Variants in CD300A observed in about 807,000 individuals in gnomAD.
The protein encoded by CD300A is CD300a molecule.
Under a neutral mutation model 33.6 loss-of-function variants are expected in CD300A, and 22 were observed. The observed-to-expected ratio is 0.66, with a 90% CI of 0.47 to 0.94. The LOEUF is 0.94. Ranked by LOEUF, CD300A falls within the 40% of genes least tolerant of loss-of-function variation. CD300A has a pLI of 0.00. For missense variants in CD300A, 326 were observed against 360.5 expected (o/e 0.90, Z 0.77); for synonymous variants, 136 against 148.1 (o/e 0.92, Z 0.59).
chr17:74,475,760 G>A (rs904713514), intron 3 of CD300A, among the ~76,000 whole-genome samples: 6 of 152,074 alleles, frequency 3.9e-5, no homozygotes, highest in African/African-American at 7.2e-5. Flanking sequence ...GATGCCAGTC[G>A]AACTTTGGGG....
At chr17:74,482,678 G>GTTCGTTCCTTCCTTCC in intron 6 of CD300A, among the ~76,000 whole-genome samples, 1 of 129,572 alleles carries the variant, frequency 7.7e-6, no homozygotes, top group South Asian at 2.4e-4. Flanking sequence ...TCCTGGCCAA[G>GTTCGTTCCTTCCTTCC]TTCCTTCCTT....
intron 1 of CD300A, among the ~76,000 whole-genome samples, chr17:74,470,704 A>G (rs1371618740): frequency 6.6e-6 from 1 of 152,124 alleles, no homozygotes; most frequent in African/African-American, 2.4e-5. Context: ...GCTGGAGTGC[A>G]GTGGTGTGAT....
At chr17:74,468,413 G>C (rs1905873025) in intron 1 of CD300A, among the ~76,000 whole-genome samples, 1 of 152,002 alleles carries the variant, frequency 6.6e-6, no homozygotes, top group African/African-American at 2.4e-5. Context: ...GTTCACTGTA[G>C]CCTCCACCTC....
chr17:74,473,724 A>G lies in CD300A; in HGVS notation c.229A>G (p.Ile77Val), dbSNP rs1377732786. ...AGGAAAAAGGAACGGCCGAGTGTCC[A>G]TCAGGGACAGTCCTGCAAACCTCAG... The part of the protein sequence containing the change: ...SAGKRNGRVS[I>V]RDSPANLSFT... The change falls in exon 2 of 7, where the codon ATC (isoleucine) becomes GTC (valine). Residue 77 changes from isoleucine to valine, a missense_variant. Coordinates refer to ENST00000360141, the MANE Select transcript of CD300A (RefSeq NM_007261.4). 6 of 1,614,264 alleles carry G rather than the reference A, an allele frequency of 3.7e-6. No individual in the cohort carries two copies. Among genetic ancestry groups the G allele is most frequent in the Middle Eastern group, 1.6e-4 (1 of 6,062 alleles).
In CD300A at chr17:74,475,382, C is replaced by T. The variant is rs147622287; in HGVS notation, c.533+697C>T. Reference sequence around the variant, plus strand: ...GGACCCAGCCAACCCACATCAATCCCCATTTTACAGATGAGTAAACTGAGA... The same window carrying T: ...GGACCCAGCCAACCCACATCAATCCTCATTTTACAGATGAGTAAACTGAGA... On this transcript the variant is annotated intron_variant, in intron 3 of 6. Coordinates refer to ENST00000360141, the MANE Select transcript of CD300A (RefSeq NM_007261.4). Among the ~76,000 whole-genome samples the T allele has an allele frequency of 1.6e-3, 249 of 152,252 alleles. 1 individual carries two copies. The highest frequency in any genetic ancestry group is 1.9e-3 in the Non-Finnish European group (127 of 68,010).
intron 1 of CD300A, chr17:74,467,064 G>A (rs1905760385): frequency 1.7e-6 from 2 of 1,171,808 alleles, no homozygotes; most frequent in African/African-American, 1.6e-5. Flanking sequence ...GAGGCAGGAT[G>A]TGTCAGGGTG....
intron 5 of CD300A, 72 bp from the exon 6 acceptor site, chr17:74,481,654 C>A: frequency 9.3e-7 from 1 of 1,075,362 alleles, no homozygotes; most frequent in Non-Finnish European, 1.4e-6. Flanking sequence ...GAAGGGGAGA[C>A]ACATGCAGAG....
intron 3 of CD300A, among the ~76,000 whole-genome samples, chr17:74,476,528 A>T (rs1386519889): frequency 6.6e-6 from 1 of 152,178 alleles, no homozygotes; most frequent in Non-Finnish European, 1.5e-5. Flanking sequence ...GTGGGTGGGT[A>T]ATCTAAGAAA....
intron 3 of CD300A, among the ~76,000 whole-genome samples, chr17:74,476,780 A>G (rs1373370693): frequency 1.3e-5 from 2 of 152,244 alleles, no homozygotes; most frequent in Non-Finnish European, 2.9e-5. Context: ...AATACCCTGC[A>G]GCTATAGGAA....
chr17:74,484,080 G>GGGA lies in CD300A; in HGVS notation c.861_863dup (p.Glu288dup), dbSNP rs1567986705. On this transcript the variant is annotated inframe_insertion, in exon 7 of 7. Transcript: ENST00000360141. ...AACAGGATAGCTGCTCAGAGGCCTCGGGAGGAGGAACCAGATTCAGATTAC... is the reference window on the plus strand; with the variant it reads ...AACAGGATAGCTGCTCAGAGGCCTCGGGAGGAGGAGGAACCAGATTCAGATTAC... 6.2e-7 allele frequency: 1 copy of GGGA among 1,614,028 alleles called. No individual in the cohort carries two copies. Among genetic ancestry groups the GGGA allele is most frequent in the African/African-American group, 1.3e-5 (1 of 75,020 alleles).
chr17:74,474,752 C>T (rs960279724), intron 3 of CD300A, 67 bp downstream of exon 3: 3 of 1,550,472 alleles, frequency 1.9e-6, no homozygotes, highest in Non-Finnish European at 2.6e-6. Flanking sequence ...AGGGCGGGGA[C>T]CTTGGCCATG....
At chr17:74,482,335 G>A (rs988906646) in intron 6 of CD300A, among the ~76,000 whole-genome samples, 3 of 151,660 alleles carry the variant, frequency 2.0e-5, no homozygotes, top group African/African-American at 4.8e-5. Flanking sequence ...AGAGAGGATC[G>A]GGAGGGATGT....
At chr17:74,478,237 A>G (rs753456173) in intron 4 of CD300A, among the ~76,000 whole-genome samples, 2 of 152,188 alleles carry the variant, frequency 1.3e-5, no homozygotes, top group African/African-American at 4.8e-5. Context: ...GACTCCAAAG[A>G]GTGGCTTGGG....
chr17:74,468,977 G>A (rs1905910322), intron 1 of CD300A, among the ~76,000 whole-genome samples: 1 of 152,100 alleles, frequency 6.6e-6, no homozygotes, highest in South Asian at 2.1e-4. Flanking sequence ...TATCCTTTCA[G>A]CTATGAAGGA....
At chr17:74,482,732 T>TCCTTCCTTCCTTCCTTCCTTCCTTCC (rs1555639394) in intron 6 of CD300A, among the ~76,000 whole-genome samples, 4 of 132,938 alleles carry the variant, frequency 3.0e-5, no homozygotes, top group African/African-American at 7.7e-5. Flanking sequence ...CTTTCTTTCT[T>TCCTTCCTTCCTTCCTTCCTTCCTTCC]TGGAATCTCG....
intron 6 of CD300A, among the ~76,000 whole-genome samples, chr17:74,483,459 C>T (rs558287668): frequency 1.7e-4 from 25 of 151,496 alleles, no homozygotes; most frequent in Non-Finnish European, 3.2e-4. Flanking sequence ...CCGGTTCAAG[C>T]GATCCTCCTG....
At chr17:74,467,070 G>A (rs71375228) in intron 1 of CD300A, 1 of 1,162,806 alleles carries the variant, frequency 8.6e-7, no homozygotes, top group South Asian at 2.0e-5. Flanking sequence ...GGATGTGTCA[G>A]GGTGGGTGGA....
chr17:74,484,093 A>G lies in CD300A; in HGVS notation c.867A>G (p.Pro289=), dbSNP rs899137400. 1 of 1,614,060 alleles carries G rather than the reference A, an allele frequency of 6.2e-7. No individual in the cohort carries two copies. Among genetic ancestry groups the G allele is most frequent in the Non-Finnish European group, 8.5e-7 (1 of 1,179,964 alleles). ...CTCAGAGGCCTCGGGAGGAGGAACC[A>G]GATTCAGATTACAGTGTGATAAGGA... The part of the protein sequence containing the change: ...IAAQRPREEE[P]DSDYSVIRKT The change falls in exon 7 of 7, where the codon CCA becomes CCG. Residue 289 remains proline, a synonymous_variant. Transcript: ENST00000360141.
chr17:74,483,541 G>A (rs1255390919), intron 6 of CD300A, among the ~76,000 whole-genome samples: 1 of 152,000 alleles, frequency 6.6e-6, no homozygotes, highest in Non-Finnish European at 1.5e-5. Flanking sequence ...ATTTTTAGTA[G>A]ATACTGGGTT....
Sources: allele counts gnomAD v4.1 joint callset (sites outside exome capture counted in the v4.1 genomes callset), GRCh38; gene constraint gnomAD v4.1.1; transcripts MANE v1.5; gene names NCBI Gene and HGNC (gene_info 2026-07-23, HGNC 2026-07-21).